The following TBC1D5 variants were observed in gnomAD, a reference collection of about 807,000 sequenced individuals.
TBC1D5 encodes the protein TBC1 domain family, member 5.
Under a neutral mutation model 100.3 loss-of-function variants are expected in TBC1D5, and 75 were observed. The ratio of observed to expected loss-of-function variants is 0.75; its 90% CI spans 0.62 to 0.91. The LOEUF (loss-of-function observed/expected upper bound fraction) is 0.91. Ranked by LOEUF, TBC1D5 falls within the 40% of genes least tolerant of loss-of-function variation. The pLI is 0.00. For missense variants in TBC1D5, 910 were observed against 942.4 expected (o/e 0.97, Z 0.45); for synonymous variants, 323 against 325.6 (o/e 0.99, Z 0.09).
At chr3:17,665,295 C>CT (rs963742950) in intron 1 of TBC1D5, among the ~76,000 whole-genome samples, 4 of 152,312 alleles carry the variant, frequency 2.6e-5, no homozygotes, top group Admixed American at 2.0e-4. Context: ...AAGACCAACT[C>CT]TTTGTAGTAG....
At chr3:17,595,017 C>G (rs1005308954) in intron 2 of TBC1D5, among the ~76,000 whole-genome samples, 1 of 152,120 alleles carries the variant, frequency 6.6e-6, no homozygotes, top group African/African-American at 2.4e-5. Context: ...GCTGCCAGCA[C>G]AGCTAGAATA....
chr3:17,621,726 A>T (rs1258380204), intron 2 of TBC1D5, among the ~76,000 whole-genome samples: 2 of 151,812 alleles, frequency 1.3e-5, no homozygotes, highest in Non-Finnish European at 2.9e-5. Flanking sequence ...TTTTTTAAAC[A>T]AATCCACAAG....
chr3:17,720,146 T>C (rs1479058385), intron 1 of TBC1D5, among the ~76,000 whole-genome samples: 2 of 152,212 alleles, frequency 1.3e-5, no homozygotes, highest in Non-Finnish European at 2.9e-5. Context: ...CGTGTCGCTC[T>C]TTTTACCCAA....
intron 14 of TBC1D5, among the ~76,000 whole-genome samples, chr3:17,297,606 C>T (rs1350583342): frequency 1.3e-5 from 2 of 151,434 alleles, no homozygotes; most frequent in Non-Finnish European, 1.5e-5. Flanking sequence ...TTTGGAGACA[C>T]ATCTCATTCT....
intron 16 of TBC1D5, among the ~76,000 whole-genome samples, chr3:17,247,360 G>A (rs915106921): frequency 6.6e-6 from 1 of 152,138 alleles, no homozygotes; most frequent in Non-Finnish European, 1.5e-5. Context: ...TGGTTTCCCA[G>A]TAAATATAAA....
chr3:17,234,716 T>C (rs2148957701), intron 17 of TBC1D5, among the ~76,000 whole-genome samples: 1 of 152,302 alleles, frequency 6.6e-6, no homozygotes, highest in Admixed American at 6.5e-5. Context: ...TCATTTATGA[T>C]TAATTGACTT....
chr3:17,365,419 T>C (rs1434836776), intron 13 of TBC1D5, among the ~76,000 whole-genome samples: 2 of 152,194 alleles, frequency 1.3e-5, no homozygotes, highest in Non-Finnish European at 2.9e-5. Context: ...TAACCCTTTG[T>C]AGGTCAAGTT....
chr3:17,562,116 C>G (rs1440381975), intron 2 of TBC1D5: 1 of 151,696 alleles, frequency 6.6e-6, no homozygotes, highest in Admixed American at 6.6e-5. Context: ...TATATTCCAG[C>G]CTGGATGACA....
At chr3:17,584,979 T>C (rs1347622193) in intron 2 of TBC1D5, among the ~76,000 whole-genome samples, 1 of 151,986 alleles carries the variant, frequency 6.6e-6, no homozygotes, top group Non-Finnish European at 1.5e-5. Context: ...TCGACAGAGA[T>C]GGGGATTTGC....
chr3:17,470,770 A>G (rs2095363435), intron 3 of TBC1D5, among the ~76,000 whole-genome samples: 1 of 152,042 alleles, frequency 6.6e-6, no homozygotes, highest in Non-Finnish European at 1.5e-5. Flanking sequence ...AAATACAAAA[A>G]AATCAGCCAG....
At chr3:17,393,012 G>A (rs187627540) in intron 8 of TBC1D5, among the ~76,000 whole-genome samples, 3 of 135,428 alleles carry the variant, frequency 2.2e-5, no homozygotes, top group Middle Eastern at 3.5e-3. Context: ...ATCCTCTCCA[G>A]CATCTATTGT....
intron 3 of TBC1D5, among the ~76,000 whole-genome samples, chr3:17,482,474 T>C (rs761656857): frequency 1.3e-5 from 2 of 152,204 alleles, no homozygotes; most frequent in Non-Finnish European, 2.9e-5. Context: ...TCATCATTAA[T>C]GTATTCAGGT....
At chr3:17,276,625 G>C (rs1282720448) in intron 15 of TBC1D5, among the ~76,000 whole-genome samples, 2 of 152,166 alleles carry the variant, frequency 1.3e-5, no homozygotes, top group East Asian at 3.9e-4. Flanking sequence ...GCTTCCCACA[G>C]TAACTTTTAG....
chr3:17,468,175 A>G (rs2095330873), intron 3 of TBC1D5, among the ~76,000 whole-genome samples: 1 of 152,208 alleles, frequency 6.6e-6, no homozygotes. Flanking sequence ...GACATTTAGG[A>G]ACACTAAAAA....
At chr3:17,513,062 G>T (rs1002241865) in intron 2 of TBC1D5, among the ~76,000 whole-genome samples, 1 of 152,134 alleles carries the variant, frequency 6.6e-6, no homozygotes, top group African/African-American at 2.4e-5. Context: ...GGCCGGGCAT[G>T]GTGGCTTATG....
chr3:17,183,563 A>G (rs1235347540), intron 19 of TBC1D5, among the ~76,000 whole-genome samples: 3 of 152,172 alleles, frequency 2.0e-5, no homozygotes, highest in African/African-American at 7.2e-5. Flanking sequence ...TACCCTATCA[A>G]TCATCTACCA....
At chr3:17,679,620 C>G (rs1457401396) in intron 1 of TBC1D5, among the ~76,000 whole-genome samples, 2 of 151,402 alleles carry the variant, frequency 1.3e-5, no homozygotes, top group African/African-American at 4.9e-5. Context: ...TAAATATCTA[C>G]TTAGAAACAC....
intron 2 of TBC1D5, among the ~76,000 whole-genome samples, chr3:17,532,753 G>A (rs1458214930): frequency 6.7e-6 from 1 of 150,140 alleles, no homozygotes; most frequent in Non-Finnish European, 1.5e-5. Context: ...ACCAAACACC[G>A]CATGTTCTCA....
chr3:17,537,852 G>C (rs1332751808), intron 2 of TBC1D5, among the ~76,000 whole-genome samples: 5 of 152,180 alleles, frequency 3.3e-5, no homozygotes, highest in Non-Finnish European at 5.9e-5. Context: ...AAGTATCTGA[G>C]ACAAGTCTCG....
Sources: gnomAD v4.1 joint callset for allele counts (sites outside exome capture counted in the v4.1 genomes callset) on GRCh38, gnomAD v4.1.1 for gene constraint, MANE v1.5 for transcripts, NCBI Gene and HGNC (gene_info 2026-07-23, HGNC 2026-07-21) for gene names.